The following GPC6 variants were observed in gnomAD, a reference collection of about 807,000 sequenced individuals.
The protein encoded by GPC6 is glypican 6, also known as glypican-6.
GPC6 carries 14 observed loss-of-function variants against 55.2 expected under a neutral mutation model. That is an observed-to-expected ratio of 0.25 (90% CI 0.17 to 0.40). The LOEUF (loss-of-function observed/expected upper bound fraction) is 0.40, where lower values mean the gene tolerates loss of function less well. Among genes scored for constraint, GPC6 ranks in the 10% least tolerant of loss-of-function variants. The pLI is 1.00. For missense variants in GPC6, 641 were observed against 708.5 expected (o/e 0.90, Z 1.08); for synonymous variants, 278 against 259.6 (o/e 1.07, Z -0.68).
intron 2 of GPC6, among the ~76,000 whole-genome samples, chr13:93,657,570 G>A (rs968064012): frequency 1.3e-5 from 2 of 152,050 alleles, no homozygotes; most frequent in Admixed American, 6.6e-5. Flanking sequence ...GATGGCAAAA[G>A]CAATGGCAAC....
At chr13:94,351,710 C>G (rs984077674) in intron 6 of GPC6, among the ~76,000 whole-genome samples, 9 of 151,982 alleles carry the variant, frequency 5.9e-5, no homozygotes, top group African/African-American at 1.7e-4. Flanking sequence ...CTTAACCCCC[C>G]ACCCTAACTC....
intron 1 of GPC6, among the ~76,000 whole-genome samples, chr13:93,522,497 CTATGATTATATCCTCTGTTAAA>C (rs1360201478): frequency 6.6e-6 from 1 of 151,878 alleles, no homozygotes; most frequent in African/African-American, 2.4e-5. Context: ...TATGTATGGA[CTATGATTATATCCTCTGTTAAA>C]TATTATCCTT....
intron 4 of GPC6, among the ~76,000 whole-genome samples, chr13:94,113,932 G>T (rs1009631630): frequency 2.7e-5 from 4 of 147,302 alleles, no homozygotes; most frequent in Non-Finnish European, 4.5e-5. Context: ...TGAGGCACGA[G>T]AATCACTTGA....
At chr13:94,032,174 C>T (rs901851068) in intron 4 of GPC6, among the ~76,000 whole-genome samples, 1 of 152,030 alleles carries the variant, frequency 6.6e-6, no homozygotes, top group African/African-American at 2.4e-5. Flanking sequence ...TTTAGGCTAC[C>T]CCAGTTAGCA....
intron 2 of GPC6, among the ~76,000 whole-genome samples, chr13:93,734,469 T>G (rs1044306372): frequency 2.0e-5 from 3 of 152,170 alleles, no homozygotes; most frequent in Non-Finnish European, 2.9e-5. Context: ...GGCATACTTT[T>G]GAGGGACTGG....
chr13:93,606,533 G>C (rs148329567), intron 2 of GPC6, among the ~76,000 whole-genome samples: 1 of 152,204 alleles, frequency 6.6e-6, no homozygotes, highest in Non-Finnish European at 1.5e-5. Flanking sequence ...GGTTAAATAT[G>C]TTGTAGTGCA....
intron 1 of GPC6, among the ~76,000 whole-genome samples, chr13:93,424,412 G>T (rs1404814644): frequency 6.6e-6 from 1 of 152,058 alleles, no homozygotes; most frequent in East Asian, 1.9e-4. Context: ...GCTGTAAGCT[G>T]TTGGCAGCCA....
At chr13:93,677,680 A>T (rs1330759784) in intron 2 of GPC6, among the ~76,000 whole-genome samples, 7 of 152,088 alleles carry the variant, frequency 4.6e-5, no homozygotes, top group Non-Finnish European at 8.8e-5. Flanking sequence ...CTCTTTAATA[A>T]ACTGTCTGTC....
At chr13:93,786,192 A>T (rs1208151233) in intron 2 of GPC6, among the ~76,000 whole-genome samples, 1 of 152,124 alleles carries the variant, frequency 6.6e-6, no homozygotes, top group East Asian at 1.9e-4. Context: ...CTAAAGACAA[A>T]ACAGCAACAA....
At chr13:94,112,434 A>G (rs1480985846) in intron 4 of GPC6, among the ~76,000 whole-genome samples, 3 of 152,194 alleles carry the variant, frequency 2.0e-5, no homozygotes, top group Non-Finnish European at 2.9e-5. Context: ...GAATTCGCAC[A>G]CACACTCATT....
chr13:94,214,255 A>G (rs1220851427), intron 4 of GPC6, among the ~76,000 whole-genome samples: 1 of 152,204 alleles, frequency 6.6e-6, no homozygotes, highest in African/African-American at 2.4e-5. Context: ...TCCCCTGTAC[A>G]GTTGTACTGA....
intron 1 of GPC6, among the ~76,000 whole-genome samples, chr13:93,461,808 C>T (rs982450092): frequency 6.6e-6 from 1 of 152,142 alleles, no homozygotes; most frequent in East Asian, 1.9e-4. Context: ...TCGTTCATAA[C>T]CTCATATCAT....
chr13:93,733,056 G>A (rs1035745550), intron 2 of GPC6, among the ~76,000 whole-genome samples: 7 of 151,810 alleles, frequency 4.6e-5, no homozygotes, highest in African/African-American at 1.7e-4. Context: ...TCCTCTACTT[G>A]GTTATTGTCA....
intron 3 of GPC6, among the ~76,000 whole-genome samples, chr13:93,911,992 A>AAG (rs1351589344): frequency 6.6e-6 from 1 of 152,156 alleles, no homozygotes; most frequent in Non-Finnish European, 1.5e-5. Flanking sequence ...ATACTGCAGG[A>AAG]AGAGAAGCAT....
intron 2 of GPC6, among the ~76,000 whole-genome samples, chr13:93,672,801 G>A (rs895353262): frequency 6.6e-6 from 1 of 151,842 alleles, no homozygotes; most frequent in African/African-American, 2.4e-5. Flanking sequence ...ATCAGTTATT[G>A]TATTTGACTA....
intron 3 of GPC6, among the ~76,000 whole-genome samples, chr13:94,014,070 C>G (rs1882358734): frequency 6.6e-6 from 1 of 152,094 alleles, no homozygotes; most frequent in African/African-American, 2.4e-5. Context: ...CCTTCAGGCT[C>G]TGATTTACAA....
At chr13:94,157,031 C>T (rs936888385) in intron 4 of GPC6, among the ~76,000 whole-genome samples, 2 of 152,110 alleles carry the variant, frequency 1.3e-5, no homozygotes, top group Non-Finnish European at 2.9e-5. Flanking sequence ...AGCTATGGGG[C>T]AGACGTGGAT....
intron 4 of GPC6, among the ~76,000 whole-genome samples, chr13:94,112,085 A>T (rs1354651472): frequency 3.9e-5 from 6 of 152,296 alleles, no homozygotes; most frequent in Admixed American, 3.3e-4. Flanking sequence ...TAAAATTGTC[A>T]TTAAAAGGTA....
Position 93,227,608 on chromosome 13 carries a change from A to G in GPC6, c.152A>G (p.Glu51Gly), listed in dbSNP as rs1875842585. The change falls in exon 1 of 9, where the codon GAG becomes GGG. Residue 51 changes from glutamate (E) to glycine (G), a missense_variant. By Grantham distance (98) the Glu-to-Gly change is moderately conservative (BLOSUM62 -2). Transcript: ENST00000377047. This position sits in a 1 kb window ranked among gnomAD's most constrained non-coding sequence, Gnocchi z 4.3. Reference sequence around the variant, plus strand: ...AGCCTGGCGGACATCCCCTACCAGGAGATCGCAGGTAAGCGCGGGCGCGCT... The same window carrying G: ...AGCCTGGCGGACATCCCCTACCAGGGGATCGCAGGTAAGCGCGGGCGCGCT... Reference protein sequence around the residue: ...GFSLADIPYQEIAGEHLRICP... With the variant: ...GFSLADIPYQGIAGEHLRICP... The G allele has an allele frequency of 6.2e-7, 1 of 1,604,374 alleles. No homozygotes were observed. Among genetic ancestry groups the G allele is most frequent in the African/African-American group, 1.3e-5 (1 of 74,902 alleles).
Sources: gnomAD v4.1 joint callset for allele counts (sites outside exome capture counted in the v4.1 genomes callset) on GRCh38, gnomAD v4.1.1 for gene constraint, Gnocchi (gnomAD v3.1) non-coding constraint, MANE v1.5 for transcripts, NCBI Gene and HGNC (gene_info 2026-07-23, HGNC 2026-07-21) for gene names.